FAT3: variants seen among roughly 807,000 people sequenced by gnomAD.
FAT3 encodes protocadherin Fat 3.
A neutral mutation model predicts 310.2 loss-of-function variants in FAT3; 95 were observed. That is an observed-to-expected ratio of 0.31 (90% CI 0.26 to 0.36). The LOEUF (loss-of-function observed/expected upper bound fraction) is 0.36, where lower values mean the gene tolerates loss of function less well. Ranked by LOEUF, FAT3 falls within the 10% of genes least tolerant of loss-of-function variation. The probability of loss-of-function intolerance (pLI) is 1.00; values close to 1 mark genes in which losing one functional copy is unlikely to be tolerated. For missense variants in FAT3, 5,408 were observed against 5,715.6 expected, an observed-to-expected ratio of 0.95 and a Z score of 1.74; for synonymous variants, 2,314 against 2,192.9, an observed-to-expected ratio of 1.06 and a Z score of -1.54.
Position 92,609,540 on chromosome 11 carries a change from C to T in FAT3, c.3607+84592C>T, listed in dbSNP as rs145879911. Among the ~76,000 whole-genome samples the T allele has an allele frequency of 4.7e-3, 717 of 152,298 alleles. 3 individuals are homozygous for T. The highest frequency in any genetic ancestry group is 6.8e-3 in the Middle Eastern group (2 of 294). On this transcript the variant is annotated intron_variant, in intron 3 of 27. Transcript: ENST00000525166. ...ATGAAAAACAAGTATACCAAAAGCT[C>T]ATTGTAGCTCAGGTATTGTCTAAGC...
chr11:92,686,719 A>G (rs1943643086), intron 3 of FAT3, among the ~76,000 whole-genome samples: 1 of 152,240 alleles, frequency 6.6e-6, no homozygotes, highest in African/African-American at 2.4e-5. Flanking sequence ...GTTTCAAAAC[A>G]TCACTCCTAC....
chr11:92,517,973 A>C (rs1482418686), intron 2 of FAT3, among the ~76,000 whole-genome samples: 1 of 152,198 alleles, frequency 6.6e-6, no homozygotes, highest in Non-Finnish European at 1.5e-5. Flanking sequence ...AGGAAATAAC[A>C]GATGCTGGAG....
At chr11:92,445,893 T>G (rs1486889590) in intron 2 of FAT3, among the ~76,000 whole-genome samples, 1 of 152,146 alleles carries the variant, frequency 6.6e-6, no homozygotes, top group Non-Finnish European at 1.5e-5. Context: ...TTTGTAGTTA[T>G]GACCTCAGGT....
Position 92,801,785 on chromosome 11 carries a change from C to G in FAT3, c.8772C>G (p.Phe2924Leu). The stretch of plus-strand genomic sequence containing the variant: ...ATATAAATGACAATGCACCAGTCTT[C>G]GCGCAGGAAGTGTACCGAGGGAATG... ...VTDINDNAPV[F>L]AQEVYRGNVK... Residue 2924 changes from phenylalanine (F) to leucine (L), a missense_variant, in exon 10 of 28, where the codon TTC (phenylalanine) becomes TTG (leucine). By Grantham distance (22) the Phe-to-Leu change is conservative. Around this residue, in one of 5 missense-constraint regions of FAT3, gnomAD observed 4,588 missense variants for 4,809.8 expected, o/e 0.95. Coordinates refer to ENST00000525166, the MANE Select transcript of FAT3 (RefSeq NM_001367949.2). 1 of 1,613,930 alleles carries G rather than the reference C, an allele frequency of 6.2e-7. No individual in the cohort carries two copies. The highest frequency in any genetic ancestry group is 8.5e-7 in the Non-Finnish European group (1 of 1,179,858).
At chr11:92,679,403 T>C (rs888726813) in intron 3 of FAT3, among the ~76,000 whole-genome samples, 1 of 152,110 alleles carries the variant, frequency 6.6e-6, no homozygotes, top group African/African-American at 2.4e-5. Context: ...GCTAAACTAA[T>C]ATACATTCCC....
intron 3 of FAT3, among the ~76,000 whole-genome samples, chr11:92,640,952 A>G (rs1328653102): frequency 2.0e-5 from 3 of 152,184 alleles, no homozygotes; most frequent in Non-Finnish European, 2.9e-5. Context: ...CACACCTGCA[A>G]TCCCAGCACT....
Position 92,552,351 on chromosome 11 carries a change from A to G in FAT3, c.3607+27403A>G, listed in dbSNP as rs139795170. 7.4e-3 allele frequency among the ~76,000 whole-genome samples: 1,128 copies of G among 152,324 alleles called. 19 individuals carry two copies. The highest frequency in any genetic ancestry group is 0.025 in the African/African-American group (1,053 of 41,584). ...ATAAATTGTAAATAATTTAGATTGGAGTGCTCTTTGTAAAAGTCACATACT... is the reference window on the plus strand; with the variant it reads ...ATAAATTGTAAATAATTTAGATTGGGGTGCTCTTTGTAAAAGTCACATACT... On this transcript the variant is annotated intron_variant, in intron 3 of 27. Transcript: ENST00000525166.
chr11:92,392,832 C>T (rs1949779695), intron 2 of FAT3, among the ~76,000 whole-genome samples: 1 of 152,158 alleles, frequency 6.6e-6, no homozygotes, highest in African/African-American at 2.4e-5. Context: ...TCTTGAAGCC[C>T]CTCCTCTCCT....
rs1175412637 is a variant in FAT3 at position 92,355,175 on chromosome 11, G to A, written c.3063G>A (p.Leu1021=). The change falls in exon 2 of 28, where the codon CTG becomes CTA. Residue 1021 remains leucine, a synonymous_variant. Coordinates refer to ENST00000525166, the MANE Select transcript of FAT3 (RefSeq NM_001367949.2). Reference sequence around the variant, plus strand: ...AAGACAAAGGGCGGCCTGTCTCTCTGTCATCTGTTTCCTTTGTTGAGGTGG... The same window carrying A: ...AAGACAAAGGGCGGCCTGTCTCTCTATCATCTGTTTCCTTTGTTGAGGTGG... ...RAKDKGRPVS[L]SSVSFVEVEV... The A allele has an allele frequency of 1.1e-5, 17 of 1,613,754 alleles. No homozygotes were observed. Among genetic ancestry groups the A allele is most frequent in the Non-Finnish European group, 1.4e-5 (17 of 1,179,838 alleles).
chr11:92,300,555 C>G (rs1946972043), intron 1 of FAT3, among the ~76,000 whole-genome samples: 1 of 151,916 alleles, frequency 6.6e-6, no homozygotes, highest in South Asian at 2.1e-4. Context: ...GACTTGCTTT[C>G]AGAGAGGCCT....
At chr11:92,781,654 AG>A (rs1179528370) in intron 7 of FAT3, among the ~76,000 whole-genome samples, 1 of 152,244 alleles carries the variant, frequency 6.6e-6, no homozygotes, top group Non-Finnish European at 1.5e-5. Context: ...AGTTCAAGTC[AG>A]CACTTAACCA....
chr11:92,801,898 A>G lies in FAT3; in HGVS notation c.8885A>G (p.Tyr2962Cys), dbSNP rs1365685674. The stretch of plus-strand genomic sequence containing the variant: ...TCCGACGTTAATCGCCAAGTGAGCT[A>G]CCATATTACAGGTGAGTAAATACCC... ...DTSDVNRQVS[Y>C]HITGGNPRGR... The change falls in exon 10 of 28, where the codon TAC (tyrosine) becomes TGC (cysteine). Residue 2962 changes from tyrosine (Y) to cysteine (C), a missense_variant. Physicochemically the swap from Tyr to Cys is radical, Grantham distance 194 (BLOSUM62 -2). Around this residue, in one of 5 missense-constraint regions of FAT3, gnomAD observed 4,588 missense variants for 4,809.8 expected, o/e 0.95. Coordinates refer to ENST00000525166, the MANE Select transcript of FAT3 (RefSeq NM_001367949.2). The G allele has an allele frequency of 6.2e-7, 1 of 1,613,576 alleles. No homozygotes were observed. Among genetic ancestry groups the G allele is most frequent in the Non-Finnish European group, 8.5e-7 (1 of 1,179,616 alleles).
intron 3 of FAT3, among the ~76,000 whole-genome samples, chr11:92,692,127 T>A (rs563509616): frequency 2.0e-5 from 3 of 152,182 alleles, no homozygotes; most frequent in South Asian, 4.1e-4. Flanking sequence ...AAAAAAATTT[T>A]TAAAAGGCTA....
At chr11:92,388,268 C>T (rs993994049) in intron 2 of FAT3, among the ~76,000 whole-genome samples, 3 of 152,114 alleles carry the variant, frequency 2.0e-5, no homozygotes, top group Admixed American at 6.6e-5. Flanking sequence ...TCTGGTGCTG[C>T]TCTTCCTTCT....
chr11:92,564,095 T>C (rs966279431), intron 3 of FAT3, among the ~76,000 whole-genome samples: 1 of 152,106 alleles, frequency 6.6e-6, no homozygotes, highest in Non-Finnish European at 1.5e-5. Context: ...GACTGGCAAG[T>C]TGGATAAAGA....
At chr11:92,366,814 A>G in intron 2 of FAT3, 2 of 533,592 alleles carry the variant, frequency 3.7e-6, no homozygotes, top group Admixed American at 3.9e-5. Context: ...GCTGATCTTC[A>G]GTGAGGTCTG....
chr11:92,810,154 A>C, intron 13 of FAT3, 78 bp downstream of exon 13: 1 of 1,337,312 alleles, frequency 7.5e-7, no homozygotes, highest in Non-Finnish European at 1.0e-6. Flanking sequence ...TAGTTTTATA[A>C]GAACCTTAAT....
chr11:92,604,568 T>A (rs1940185566), intron 3 of FAT3, among the ~76,000 whole-genome samples: 1 of 152,192 alleles, frequency 6.6e-6, no homozygotes, highest in Admixed American at 6.5e-5. Context: ...AAACTAGATA[T>A]GGGTATTTTG....
chr11:92,350,005 G>A (rs762297899), intron 1 of FAT3, among the ~76,000 whole-genome samples: 4 of 151,102 alleles, frequency 2.6e-5, no homozygotes, highest in Non-Finnish European at 5.9e-5. Flanking sequence ...GAAAAGCCTT[G>A]TGGGGTATGG....
Sources: allele counts gnomAD v4.1 joint callset (sites outside exome capture counted in the v4.1 genomes callset), GRCh38; gene constraint gnomAD v4.1.1; regional missense constraint gnomAD v4.1.1; transcripts MANE v1.5; gene names NCBI Gene and HGNC (gene_info 2026-07-23, HGNC 2026-07-21).